TBC1D31: variants seen among roughly 807,000 people sequenced by gnomAD.
TBC1D31 encodes WD repeat domain 67.
Under a neutral mutation model 132.9 loss-of-function variants are expected in TBC1D31, and 99 were observed. The observed-to-expected ratio is 0.74, with a 90% CI of 0.63 to 0.88. TBC1D31 has a LOEUF of 0.88. Among genes scored for constraint, TBC1D31 ranks in the 40% least tolerant of loss-of-function variants. The pLI is 0.00. For missense variants in TBC1D31, 1,134 were observed against 1,256.6 expected (o/e 0.90, Z 1.48); for synonymous variants, 385 against 419.4 (o/e 0.92, Z 1.00).
intron 16 of TBC1D31, among the ~76,000 whole-genome samples, chr8:123,132,502 C>G (rs1820728426): frequency 6.7e-6 from 1 of 149,576 alleles, no homozygotes; most frequent in Non-Finnish European, 1.5e-5. Context: ...CAACCTCCAC[C>G]TCCCGGATTC....
At chr8:123,126,021 A>T in intron 11 of TBC1D31, 35 bp from the exon 12 acceptor site, 2 of 1,529,248 alleles carry the variant, frequency 1.3e-6, no homozygotes, top group Non-Finnish European at 1.8e-6. Context: ...ATGGAAAGAT[A>T]TTTAAAGATA....
chr8:123,148,373 A>G (rs1490059797), intron 20 of TBC1D31, among the ~76,000 whole-genome samples: 1 of 152,184 alleles, frequency 6.6e-6, no homozygotes, highest in Non-Finnish European at 1.5e-5. Flanking sequence ...TATTTACAAC[A>G]CAGCCCTTTG....
chr8:123,098,190 G>A (rs1029548515), intron 6 of TBC1D31, among the ~76,000 whole-genome samples: 8 of 152,004 alleles, frequency 5.3e-5, no homozygotes, highest in African/African-American at 1.7e-4. Context: ...AGTCTGTCAC[G>A]CCTTTCTACC....
intron 16 of TBC1D31, among the ~76,000 whole-genome samples, 191 bp from the exon 17 acceptor site, chr8:123,133,923 A>T (rs71514798): frequency 0.026 from 3,965 of 152,248 alleles, 78 homozygotes; most frequent in Non-Finnish European, 0.043. Flanking sequence ...ATTAAACTTA[A>T]CTTTAACTGA....
At chr8:123,079,572 AT>A (rs1376087714) in intron 2 of TBC1D31, among the ~76,000 whole-genome samples, 3 of 147,804 alleles carry the variant, frequency 2.0e-5, no homozygotes, top group African/African-American at 5.0e-5. Flanking sequence ...TCTGAAAAAA[AT>A]AAAAATAATT....
At chr8:123,164,701 A>T in the TBC1D31 span, among the ~76,000 whole-genome samples, 6 of 146,858 alleles carry the variant, frequency 4.1e-5, no homozygotes, top group African/African-American at 1.5e-4. Flanking sequence ...CAGCCTGGGC[A>T]ACAGAGCGAG....
downstream of TBC1D31, among the ~76,000 whole-genome samples, chr8:123,154,254 A>G (rs1285508954): frequency 1.3e-5 from 2 of 152,222 alleles, no homozygotes; most frequent in African/African-American, 4.8e-5. Context: ...TTGTTTGGAT[A>G]AGGAAAGTTT....
chr8:123,118,055 A>G (rs1441569423), intron 10 of TBC1D31, among the ~76,000 whole-genome samples: 1 of 152,246 alleles, frequency 6.6e-6, no homozygotes, highest in African/African-American at 2.4e-5. Flanking sequence ...AAATTGAGGA[A>G]CAATCTAGAA....
intron 17 of TBC1D31, among the ~76,000 whole-genome samples, chr8:123,136,685 A>C (rs1432442601): frequency 6.6e-6 from 1 of 152,146 alleles, no homozygotes. Flanking sequence ...TCCTGACCTC[A>C]GGTAATCCGC....
rs764192839 is a variant in TBC1D31, at chr8:123,150,003, A to G, written c.2975-33A>G. On this transcript the variant is annotated intron_variant, in intron 20 of 21. Transcript: ENST00000287380. ...TAGTAAGCCTTTCTACTCACTCCCA[A>G]ACATCATCTTAATCTCCTCACTTTT... 5 of 1,545,890 alleles carry G rather than the reference A, an allele frequency of 3.2e-6. No homozygotes were observed. The East Asian group carries it at 9.0e-5, about 28-fold the overall frequency.
intron 10 of TBC1D31, among the ~76,000 whole-genome samples, chr8:123,118,840 C>T (rs1447509967): frequency 2.0e-5 from 3 of 152,172 alleles, no homozygotes; most frequent in Non-Finnish European, 4.4e-5. Flanking sequence ...CTAGGCAATC[C>T]TCTTGCCTCA....
chr8:123,121,540 G>A (rs531692213), intron 11 of TBC1D31, among the ~76,000 whole-genome samples: 1 of 152,164 alleles, frequency 6.6e-6, no homozygotes, highest in African/African-American at 2.4e-5. Flanking sequence ...GCGAGTTCTC[G>A]CTCAGTTAGT....
In TBC1D31 at chr8:123,109,543, G is replaced by T. The variant is rs1818259313; in HGVS notation, c.1359G>T (p.Lys453Asn). Reference sequence around the variant, plus strand: ...CTGCGTTTAGTACCCTCATAGATAAGGGGACTCATGTGGCATTTCTCAACC... The same window carrying T: ...CTGCGTTTAGTACCCTCATAGATAATGGGACTCATGTGGCATTTCTCAACC... ...NHTAFSTLID[K>N]GTHVAFLNLQ... The change falls in exon 10 of 22, where the codon AAG (lysine) becomes AAT (asparagine). Residue 453 changes from lysine to asparagine, a missense_variant. By Grantham distance (94) the Lys-to-Asn change is moderately conservative. Coordinates refer to ENST00000287380, the MANE Select transcript of TBC1D31 (RefSeq NM_145647.4). The T allele has an allele frequency of 1.2e-6, 2 of 1,613,948 alleles. No homozygotes were observed. Among genetic ancestry groups the T allele is most frequent in the African/African-American group, 2.7e-5 (2 of 75,006 alleles).
chr8:123,162,149 C>T, the TBC1D31 span, among the ~76,000 whole-genome samples: 3 of 151,956 alleles, frequency 2.0e-5, no homozygotes, highest in Non-Finnish European at 2.9e-5. Context: ...TAACTGCCTC[C>T]TTGAACTCAT....
intron 10 of TBC1D31, 120 bp from the exon 11 acceptor site, chr8:123,119,935 A>G (rs891143166): frequency 2.2e-5 from 17 of 776,628 alleles, no homozygotes; most frequent in Non-Finnish European, 3.3e-5. Context: ...GGAGAGGTGA[A>G]CTAGATGATA....
chr8:123,108,566 C>T (rs973783124), intron 8 of TBC1D31, among the ~76,000 whole-genome samples: 4 of 151,894 alleles, frequency 2.6e-5, no homozygotes, highest in Non-Finnish European at 2.9e-5. Context: ...AGATGACAGC[C>T]GATGGGCCTA....
chr8:123,142,114 G>T, intron 18 of TBC1D31, 148 bp from the exon 19 acceptor site: 1 of 491,444 alleles, frequency 2.0e-6, no homozygotes. Flanking sequence ...CCAGTCATCA[G>T]CTTATTTTAA....
chr8:123,158,508 G>A, the TBC1D31 span, among the ~76,000 whole-genome samples: 1 of 152,286 alleles, frequency 6.6e-6, no homozygotes, highest in East Asian at 1.9e-4. Flanking sequence ...ACCGACGGAA[G>A]GACAGGGAGT....
intron 1 of TBC1D31, among the ~76,000 whole-genome samples, chr8:123,075,443 C>T (rs1041965651): frequency 6.6e-5 from 10 of 152,142 alleles, no homozygotes; most frequent in African/African-American, 2.4e-4. Flanking sequence ...GTGGCTCACG[C>T]CTGTAATTCC....
Sources: allele counts gnomAD v4.1 joint callset (sites outside exome capture counted in the v4.1 genomes callset), GRCh38; gene constraint gnomAD v4.1.1; transcripts MANE v1.5; gene names NCBI Gene and HGNC (gene_info 2026-07-23, HGNC 2026-07-21).